Variants in DAAM1 observed in about 807,000 individuals in gnomAD.
DAAM1 encodes the protein disheveled-associated activator of morphogenesis 1.
A neutral mutation model predicts 130.0 loss-of-function variants in DAAM1; 52 were observed. The ratio of observed to expected loss-of-function variants is 0.40; its 90% CI spans 0.32 to 0.50. The LOEUF is 0.50. Among genes scored for constraint, DAAM1 ranks in the 20% least tolerant of loss-of-function variants. The pLI is 0.61. For synonymous variants in DAAM1, 452 were observed against 444.5 expected (o/e 1.02, Z -0.21); for missense variants, 1,134 against 1,303.8 (o/e 0.87, Z 2.01).
At chr14:59,306,058 A>G (rs1306457788) in intron 3 of DAAM1, among the ~76,000 whole-genome samples, 1 of 144,840 alleles carries the variant, frequency 6.9e-6, no homozygotes, top group Non-Finnish European at 1.5e-5. Context: ...AAAAGGCAGG[A>G]GAGTTAATGA....
chr14:59,261,913 GTCTT>G (rs1266098628), intron 1 of DAAM1, among the ~76,000 whole-genome samples: 1 of 152,100 alleles, frequency 6.6e-6, no homozygotes, highest in Admixed American at 6.5e-5. Context: ...CTTGACCCTA[GTCTT>G]TCTTCTATGT....
chr14:59,307,686 G>A (rs536177744), intron 3 of DAAM1, among the ~76,000 whole-genome samples: 89 of 152,282 alleles, frequency 5.8e-4, no homozygotes, highest in Non-Finnish European at 8.2e-4. Flanking sequence ...GGGGGTCAGA[G>A]GAGGTATCAG....
At chr14:59,302,394 T>C (rs1431619436) in intron 3 of DAAM1, among the ~76,000 whole-genome samples, 1 of 152,168 alleles carries the variant, frequency 6.6e-6, no homozygotes, top group Admixed American at 6.5e-5. Context: ...TGGGGAGTCA[T>C]GGGGAGCATG....
intron 4 of DAAM1, among the ~76,000 whole-genome samples, chr14:59,316,027 A>G (rs1594817356): frequency 6.6e-6 from 1 of 152,180 alleles, no homozygotes; most frequent in East Asian, 1.9e-4. Flanking sequence ...AGGGACACCT[A>G]TTCATCACAG....
chr14:59,335,605 G>A (rs1218200296), intron 15 of DAAM1, among the ~76,000 whole-genome samples: 1 of 152,130 alleles, frequency 6.6e-6, no homozygotes, highest in East Asian at 1.9e-4. Flanking sequence ...CCTAAAGGGA[G>A]TCATATCTCT....
intron 16 of DAAM1, among the ~76,000 whole-genome samples, chr14:59,344,280 T>C (rs541111398): frequency 7.2e-5 from 11 of 152,230 alleles, no homozygotes; most frequent in African/African-American, 2.4e-4. Context: ...CCTTAACTTA[T>C]TTTAATTACG....
chr14:59,303,478 G>GCTAA (rs1286618670), intron 3 of DAAM1, among the ~76,000 whole-genome samples: 1 of 152,166 alleles, frequency 6.6e-6, no homozygotes, highest in African/African-American at 2.4e-5. Flanking sequence ...GCCCTGGTTA[G>GCTAA]CGATGGAGTA....
chr14:59,296,898 G>C (rs1026969955), intron 3 of DAAM1, among the ~76,000 whole-genome samples: 11 of 152,136 alleles, frequency 7.2e-5, no homozygotes, highest in African/African-American at 2.7e-4. Flanking sequence ...TCTGTAAAAG[G>C]CTTGAACTTT....
At chr14:59,355,080 A>G in intron 19 of DAAM1, 85 bp from the exon 20 acceptor site, 1 of 1,514,044 alleles carries the variant, frequency 6.6e-7, no homozygotes, top group Non-Finnish European at 8.9e-7. Context: ...TAAGTGTGTG[A>G]ATTTAGAATG....
intron 3 of DAAM1, among the ~76,000 whole-genome samples, chr14:59,310,758 G>A (rs991534994): frequency 2.0e-5 from 3 of 152,174 alleles, no homozygotes; most frequent in Non-Finnish European, 4.4e-5. Flanking sequence ...GTTAAAGAGT[G>A]TGTCTTTCTT....
At chr14:59,222,333 G>A (rs780162684) in intron 1 of DAAM1, among the ~76,000 whole-genome samples, 4 of 152,190 alleles carry the variant, frequency 2.6e-5, no homozygotes, top group African/African-American at 4.8e-5. Flanking sequence ...CAGGAAAGGC[G>A]AATTCATCTC....
intron 1 of DAAM1, among the ~76,000 whole-genome samples, chr14:59,204,865 C>T (rs1238794199): frequency 1.3e-5 from 2 of 152,090 alleles, no homozygotes; most frequent in East Asian, 3.9e-4. Context: ...AAACCTCTCT[C>T]TTAAAAAAAT....
chr14:59,352,662 A>G (rs780833369), intron 18 of DAAM1, 30 bp downstream of exon 18: 1 of 1,557,738 alleles, frequency 6.4e-7, no homozygotes, highest in South Asian at 1.1e-5. Flanking sequence ...GAATGTGAAG[A>G]TGTCACTTCC....
intron 1 of DAAM1, among the ~76,000 whole-genome samples, chr14:59,213,961 G>A (rs1307193289): frequency 1.2e-4 from 18 of 152,094 alleles, no homozygotes; most frequent in Admixed American, 1.1e-3. Flanking sequence ...TCTCAGCAGT[G>A]GTCACCTATT....
intron 3 of DAAM1, among the ~76,000 whole-genome samples, chr14:59,294,426 T>C (rs893672681): frequency 6.6e-6 from 1 of 152,250 alleles, no homozygotes; most frequent in Non-Finnish European, 1.5e-5. Context: ...AAGAAGTTAA[T>C]TGGAATTTTG....
intron 20 of DAAM1, among the ~76,000 whole-genome samples, chr14:59,357,563 G>A (rs1886532040): frequency 6.6e-6 from 1 of 152,158 alleles, no homozygotes; most frequent in South Asian, 2.1e-4. Flanking sequence ...AAGATCATGA[G>A]GTCAGGAGAT....
At chr14:59,243,051 G>T (rs1299699816) in intron 1 of DAAM1, among the ~76,000 whole-genome samples, 1 of 152,186 alleles carries the variant, frequency 6.6e-6, no homozygotes, top group Non-Finnish European at 1.5e-5. Flanking sequence ...CCGCAGCTCA[G>T]AGATTTTAAG....
In DAAM1 at chr14:59,190,299, C is replaced by T. The variant is rs143843402; in HGVS notation, c.-38+1531C>T. ...TCTCCCTGAAACTAATTGTTTGGCG[C>T]CTTTTTCCTGAGGCAAACTCTGAAA... On this transcript the variant is annotated intron_variant, in intron 1 of 24. Coordinates refer to ENST00000360909, the MANE Select transcript of DAAM1 (RefSeq NM_001270520.2). Among the ~76,000 whole-genome samples the T allele has an allele frequency of 5.9e-5, 9 of 152,304 alleles. No homozygotes were observed. In the East Asian group the frequency reaches 1.7e-3, roughly 29 times the overall value.
intron 1 of DAAM1, among the ~76,000 whole-genome samples, chr14:59,225,886 T>G (rs1159300991): frequency 6.6e-6 from 1 of 152,096 alleles, no homozygotes; most frequent in Non-Finnish European, 1.5e-5. Context: ...GATCATGCTA[T>G]TAAAAATAAT....
Sources: gnomAD v4.1 joint callset for allele counts (sites outside exome capture counted in the v4.1 genomes callset) on GRCh38, gnomAD v4.1.1 for gene constraint, MANE v1.5 for transcripts, NCBI Gene and HGNC (gene_info 2026-07-23, HGNC 2026-07-21) for gene names.